The following WDPCP variants were observed in gnomAD, a reference collection of about 807,000 sequenced individuals.
WDPCP encodes WD repeat-containing and planar cell polarity effector protein fritz homolog.
WDPCP carries 71 observed loss-of-function variants against 93.1 expected under a neutral mutation model. That is an observed-to-expected ratio of 0.76 (90% confidence interval 0.63 to 0.93). The LOEUF (loss-of-function observed/expected upper bound fraction) is 0.93, where lower values mean the gene tolerates loss of function less well. WDPCP is among the 40% of genes least tolerant of loss of function. The probability of loss-of-function intolerance (pLI) is 0.00; values close to 1 mark genes in which losing one functional copy is unlikely to be tolerated. For missense variants in WDPCP, 844 were observed against 887.4 expected, an observed-to-expected ratio of 0.95 and a Z score of 0.62; for synonymous variants, 315 against 315.0, an observed-to-expected ratio of 1.00 and a Z score of 0.00.
At chr2:63,596,272 C>A (rs774538386) in intron 3 of WDPCP, among the ~76,000 whole-genome samples, 1 of 152,154 alleles carries the variant, frequency 6.6e-6, no homozygotes, top group Non-Finnish European at 1.5e-5. Context: ...ATAATACATA[C>A]CTTCCAAGAA....
At chr2:63,742,473 G>A (rs1174057623) in intron 2 of WDPCP, among the ~76,000 whole-genome samples, 1 of 151,498 alleles carries the variant, frequency 6.6e-6, no homozygotes, top group Non-Finnish European at 1.5e-5. Context: ...AGGTCCCAGG[G>A]ATCACTTTGG....
chr2:63,420,918 C>T (rs1240809332), intron 9 of WDPCP, among the ~76,000 whole-genome samples: 1 of 152,128 alleles, frequency 6.6e-6, no homozygotes, highest in Non-Finnish European at 1.5e-5. Context: ...TTTACTATTA[C>T]AGTGATGCTA....
At chr2:63,831,402 G>A (rs979085854), upstream of WDPCP, among the ~76,000 whole-genome samples, 4 of 151,978 alleles carry the variant, frequency 2.6e-5, no homozygotes, top group Non-Finnish European at 5.9e-5. Flanking sequence ...CAGAGCCTCG[G>A]TTCTTGCCTT....
intron 12 of WDPCP, chr2:63,369,475 G>A (rs769838705): frequency 4.4e-6 from 2 of 456,500 alleles, no homozygotes; most frequent in African/African-American, 2.0e-5. Flanking sequence ...AAAAGTACCA[G>A]AGAAGACAGC....
At chr2:63,749,332 C>T (rs1168515594) in intron 2 of WDPCP, among the ~76,000 whole-genome samples, 4 of 152,076 alleles carry the variant, frequency 2.6e-5, no homozygotes, top group Non-Finnish European at 5.9e-5. Flanking sequence ...TACACTTCTC[C>T]AAGATCCCTT....
chr2:63,316,536 C>G lies in WDPCP; in HGVS notation c.1749-3225G>C, dbSNP rs553628204. 5.9e-5 allele frequency among the ~76,000 whole-genome samples: 9 copies of G among 151,942 alleles called. No individual in the cohort carries two copies. In the South Asian group the frequency reaches 1.9e-3, roughly 32 times the overall value. Reference sequence around the variant, plus strand: ...GATATGGTGGTGGGTGCCTGTATTCCCAGCTACTCAGGAGGCTGAGGCACA... The same window carrying G: ...GATATGGTGGTGGGTGCCTGTATTCGCAGCTACTCAGGAGGCTGAGGCACA... On this transcript the variant is annotated intron_variant, in intron 12 of 17. Transcript: ENST00000272321.
chr2:63,535,581 G>T (rs566321345), intron 1 of WDPCP, among the ~76,000 whole-genome samples: 2 of 152,266 alleles, frequency 1.3e-5, no homozygotes, highest in South Asian at 4.1e-4. Flanking sequence ...TCTGATCTCT[G>T]ACAAACCTGA....
At chr2:63,179,994 T>C (rs1674112607) in intron 14 of WDPCP, among the ~76,000 whole-genome samples, 1 of 152,198 alleles carries the variant, frequency 6.6e-6, no homozygotes, top group African/African-American at 2.4e-5. Flanking sequence ...GTGAGTGTTC[T>C]GTATATGTTC....
intron 13 of WDPCP, among the ~76,000 whole-genome samples, chr2:63,300,860 A>G (rs1685276627): frequency 2.0e-5 from 3 of 151,706 alleles, no homozygotes; most frequent in African/African-American, 7.3e-5. Flanking sequence ...AGTACATGGC[A>G]TTTCCAGGTC....
At chr2:63,139,945 C>T (rs893821863) in intron 17 of WDPCP, among the ~76,000 whole-genome samples, 34 of 151,920 alleles carry the variant, frequency 2.2e-4, no homozygotes, top group African/African-American at 7.2e-4. Context: ...TATAGTTTCA[C>T]GACTTAGGTT....
intron 1 of WDPCP, among the ~76,000 whole-genome samples, chr2:63,548,174 T>A (rs559548424): frequency 6.6e-6 from 1 of 151,896 alleles, no homozygotes; most frequent in Non-Finnish European, 1.5e-5. Flanking sequence ...ATAATACTTA[T>A]AAGAGACACA....
intron 14 of WDPCP, among the ~76,000 whole-genome samples, chr2:63,250,333 T>C (rs1345180100): frequency 6.6e-6 from 1 of 152,204 alleles, no homozygotes; most frequent in Non-Finnish European, 1.5e-5. Context: ...ATCACACTAC[T>C]CAACAGTGCA....
At chr2:63,242,404 G>A (rs532009760) in intron 14 of WDPCP, among the ~76,000 whole-genome samples, 11 of 152,290 alleles carry the variant, frequency 7.2e-5, no homozygotes, top group South Asian at 6.2e-4. Flanking sequence ...CTCTGCATAT[G>A]AGGATTATAT....
At position 63,211,520 on chromosome 2, in the gene WDPCP, C is replaced by G. The variant is rs199622311; in HGVS notation, c.1916-36688G>C. 2.0e-4 allele frequency among the ~76,000 whole-genome samples: 31 copies of G among 152,284 alleles called. 1 individual carries two copies. In the East Asian group the frequency reaches 5.6e-3, roughly 27 times the overall value. ...CCACAAAGATAGGGAGAAACCAGAG[C>G]AGAAAAGCTGAAAATTCTAAAAATC... On this transcript the variant is annotated intron_variant, in intron 14 of 17. Coordinates refer to ENST00000272321, the MANE Select transcript of WDPCP (RefSeq NM_015910.7).
chr2:63,478,520 A>G (rs1417709507), intron 6 of WDPCP, among the ~76,000 whole-genome samples: 3 of 152,148 alleles, frequency 2.0e-5, no homozygotes, highest in Admixed American at 6.6e-5. Flanking sequence ...TAAAACTCCA[A>G]AAGGAACCCT....
rs369125293 is a variant in WDPCP at position 63,146,674 on chromosome 2, C to T, written c.2190+6240G>A. Among the ~76,000 whole-genome samples, 21 of 152,032 alleles carry T rather than the reference C, an allele frequency of 1.4e-4. No homozygotes were observed. The East Asian group carries it at 3.5e-3, about 25-fold the overall frequency. ...ACAGGCGTAAGCCACTGTTCCCGGC[C>T]GAGAGTTTTTAACATGTTAATGATA... On this transcript the variant is annotated intron_variant, in intron 17 of 17. Coordinates refer to ENST00000272321, the MANE Select transcript of WDPCP (RefSeq NM_015910.7).
At chr2:63,442,230 C>T (rs545760540) in intron 6 of WDPCP, 1 of 152,294 alleles carries the variant, frequency 6.6e-6, no homozygotes, top group East Asian at 1.9e-4. Flanking sequence ...GTGACACTGA[C>T]AGTGTAATTT....
At chr2:63,491,542 A>G (rs1700878745) in intron 2 of WDPCP, among the ~76,000 whole-genome samples, 1 of 152,210 alleles carries the variant, frequency 6.6e-6, no homozygotes, top group African/African-American at 2.4e-5. Context: ...GTGTACAAAT[A>G]GGTATGACAT....
At chr2:63,586,464 C>T (rs2106570550) in intron 1 of WDPCP, among the ~76,000 whole-genome samples, 1 of 152,292 alleles carries the variant, frequency 6.6e-6, no homozygotes, top group African/African-American at 2.4e-5. Context: ...AGTGAAAGTG[C>T]AATGACATAT....
Sources: allele counts gnomAD v4.1 joint callset (sites outside exome capture counted in the v4.1 genomes callset), GRCh38; gene constraint gnomAD v4.1.1; transcripts MANE v1.5; gene names NCBI Gene and HGNC (gene_info 2026-07-23, HGNC 2026-07-21).